Variants in ACACB observed in about 807,000 individuals in gnomAD.
ACACB encodes acetyl-CoA carboxylase 2.
In ACACB, 209 loss-of-function variants were observed where a neutral mutation model predicts 278.8. The observed-to-expected ratio is 0.75, with a 90% confidence interval of 0.67 to 0.84. ACACB has a LOEUF of 0.84. ACACB is among the 40% of genes least tolerant of loss of function. The pLI is 0.00. For missense variants in ACACB, 2,850 were observed against 3,269.0 expected (o/e 0.87, Z 3.13); for synonymous variants, 1,174 against 1,285.6 (o/e 0.91, Z 1.86).
intron 34 of ACACB, 43 bp downstream of exon 34, chr12:109,237,423 C>T (rs1226476125): frequency 6.4e-7 from 1 of 1,552,692 alleles, no homozygotes; most frequent in South Asian, 1.2e-5. Flanking sequence ...AGAACCTGGC[C>T]CTCCCTTCCT....
chr12:109,159,978 T>G (rs986081264), intron 2 of ACACB, among the ~76,000 whole-genome samples: 2 of 151,648 alleles, frequency 1.3e-5, no homozygotes, highest in Non-Finnish European at 2.9e-5. Context: ...TAGTCCCAGC[T>G]ACTCGGGAGG....
rs2046985100 is a variant in ACACB, at chr12:109,247,668, CCA to C, written c.5636_5637del (p.His1879LeufsTer2). On this transcript the variant is annotated frameshift_variant, in exon 40 of 53. Coordinates refer to ENST00000338432, the MANE Select transcript of ACACB (RefSeq NM_001093.4). LOFTEE classifies it high-confidence loss of function. ...CCAGAATCAGCTCCCTGAACTCCGT[CCA>C]CTGTAAACACATCGAGGAAGGAGGA... ...YTRISSLNSVHCKHIEEGGES... is the reference protein window; with the variant it reads ...YTRISSLNSVXCKHIEEGGES... 6.2e-7 allele frequency: 1 copy of C among 1,613,766 alleles called. No homozygotes were observed. The highest frequency in any genetic ancestry group is 1.3e-5 in the African/African-American group (1 of 74,910).
At chr12:109,235,863 G>C (rs891815064) in intron 33 of ACACB, 16 of 508,010 alleles carry the variant, frequency 3.1e-5, no homozygotes, top group Middle Eastern at 1.1e-3. Context: ...GCCTGGCATT[G>C]TGATGCAAGC....
At chr12:109,231,977 T>C (rs1054850798) in intron 28 of ACACB, among the ~76,000 whole-genome samples, 17 of 152,194 alleles carry the variant, frequency 1.1e-4, no homozygotes, top group Non-Finnish European at 2.4e-4. Flanking sequence ...CAGGGAACGA[T>C]AGGAACCTTC....
intron 17 of ACACB, among the ~76,000 whole-genome samples, chr12:109,198,807 G>C (rs570601687): frequency 7.4e-5 from 11 of 148,596 alleles, no homozygotes; most frequent in African/African-American, 2.7e-4. Flanking sequence ...TTTATTTTTT[G>C]TAGAGGCAGG....
chr12:109,136,078 T>C (rs1433735474), intron 1 of ACACB, among the ~76,000 whole-genome samples: 2 of 152,210 alleles, frequency 1.3e-5, no homozygotes, highest in Non-Finnish European at 2.9e-5. Flanking sequence ...CCCAAAGTGC[T>C]GGGATTACAG....
intron 16 of ACACB, 149 bp from the exon 17 acceptor site, chr12:109,196,859 G>A (rs1801450588): frequency 2.1e-6 from 2 of 954,604 alleles, no homozygotes; most frequent in South Asian, 4.4e-5. Flanking sequence ...CCCTTGGCAG[G>A]AATTGTGAGG....
intron 5 of ACACB, 66 bp from the exon 6 acceptor site, chr12:109,172,209 A>C: frequency 2.0e-6 from 3 of 1,492,806 alleles, no homozygotes. Flanking sequence ...GGCGTGAGTT[A>C]CTGCACCTGG....
At chr12:109,147,583 T>C (rs2043274575) in intron 2 of ACACB, among the ~76,000 whole-genome samples, 2 of 152,066 alleles carry the variant, frequency 1.3e-5, no homozygotes, top group East Asian at 1.9e-4. Context: ...ATGATCTACT[T>C]GGTTATTACC....
chr12:109,242,715 C>A, intron 37 of ACACB, 123 bp downstream of exon 37: 2 of 1,192,750 alleles, frequency 1.7e-6, no homozygotes, highest in Non-Finnish European at 2.3e-6. Context: ...TTGCCAGGTG[C>A]GGTGGCTCAC....
Position 109,174,239 on chromosome 12 carries a change from C to G in ACACB, c.1216+9C>G, listed in dbSNP as rs200658546. 8.2e-5 allele frequency: 132 copies of G among 1,602,272 alleles called. No homozygotes were observed. In the African/African-American group the frequency reaches 1.5e-3, roughly 18 times the overall value. ...GCCCTGGAGTGGAAGCGGTAAGGGA[C>G]CCCGAGCTTCCCTCTGGGGGAGCTT... On this transcript the variant is annotated intron_variant, in intron 7 of 52. Coordinates refer to ENST00000338432, the MANE Select transcript of ACACB (RefSeq NM_001093.4).
At chr12:109,203,534 G>C (rs1565917598) in intron 19 of ACACB, among the ~76,000 whole-genome samples, 1 of 152,212 alleles carries the variant, frequency 6.6e-6, no homozygotes, top group Admixed American at 6.5e-5. Flanking sequence ...AACACCGTGA[G>C]AACAGGGCCT....
Position 109,185,702 on chromosome 12 carries a change from G to A in ACACB, c.1942G>A (p.Val648Ile), listed in dbSNP as rs376760625. 22 of 1,612,334 alleles carry A rather than the reference G, an allele frequency of 1.4e-5. No homozygotes were observed. Among genetic ancestry groups the A allele is most frequent in the Admixed American group, 3.3e-5 (2 of 59,850 alleles). Residue 648 changes from valine to isoleucine, a missense_variant, in exon 12 of 53, where the codon GTC becomes ATC. Val to Ile is a conservative substitution (Grantham distance 29). This residue lies in a region of ACACB where 2,265 missense variants were observed against 2,561.3 expected (regional missense o/e 0.88). Transcript: ENST00000338432. ...AAACCCTCCCCTCGCCCGAGGCCACGTCATTGCCGCCAGAATCACCAGCGA... is the reference window on the plus strand; with the variant it reads ...AAACCCTCCCCTCGCCCGAGGCCACATCATTGCCGCCAGAATCACCAGCGA... The part of the protein sequence containing the change: ...PSNPPLARGH[V>I]IAARITSENP...
intron 34 of ACACB, among the ~76,000 whole-genome samples, chr12:109,237,829 T>C (rs2046674985): frequency 6.6e-6 from 1 of 151,896 alleles, no homozygotes; most frequent in African/African-American, 2.4e-5. Context: ...CTGGCCAACA[T>C]GGTGAAACCC....
rs762128526 is a variant in ACACB at position 109,242,587 on chromosome 12, A to G, written c.5173A>G (p.Arg1725Gly). The G allele has an allele frequency of 1.2e-5, 20 of 1,613,918 alleles. 1 individual carries two copies. In the Middle Eastern group the frequency reaches 1.6e-3, roughly 133 times the overall value. The change falls in exon 37 of 53, where the codon AGG becomes GGG. Residue 1725 changes from arginine (R) to glycine (G), a missense_variant. This residue lies in a region of ACACB where 2,265 missense variants were observed against 2,561.3 expected (regional missense o/e 0.88). Transcript: ENST00000338432. ...TYIYDFPEMF[R>G]QALFKLWGSP... ...CATCTATGACTTCCCGGAAATGTTC[A>G]GGCAGGCAAGTCCGGCGGCTCAGAC...
chr12:109,264,484 T>C, intron 50 of ACACB, 98 bp downstream of exon 50: 1 of 1,477,018 alleles, frequency 6.8e-7, no homozygotes, highest in Non-Finnish European at 9.3e-7. Flanking sequence ...GCGGTGGTGG[T>C]TGGGATGGGT....
chr12:109,232,244 T>G (rs955438943), intron 28 of ACACB, among the ~76,000 whole-genome samples: 13 of 152,162 alleles, frequency 8.5e-5, no homozygotes, highest in Admixed American at 3.3e-4. Context: ...AAGGGCAAGT[T>G]TGATGGAGGG....
chr12:109,257,319 T>TA (rs537031911), intron 45 of ACACB, among the ~76,000 whole-genome samples: 1,421 of 138,590 alleles, frequency 0.01, 13 homozygotes, highest in Non-Finnish European at 0.011. Context: ...AAGCAAAAAA[T>TA]AAAAAAAAAA....
At chr12:109,176,413 G>C (rs552319153) in intron 9 of ACACB, 150 bp downstream of exon 9, 2 of 718,826 alleles carry the variant, frequency 2.8e-6, no homozygotes, top group African/African-American at 1.8e-5. Context: ...CAACAAACGC[G>C]TACATTTTTA....
Sources: gnomAD v4.1 joint callset for allele counts (sites outside exome capture counted in the v4.1 genomes callset) on GRCh38, gnomAD v4.1.1 for gene constraint, gnomAD v4.1.1 regional missense constraint, MANE v1.5 for transcripts, NCBI Gene and HGNC (gene_info 2026-07-23, HGNC 2026-07-21) for gene names.